FSIP1: variants seen among roughly 807,000 people sequenced by gnomAD.
The protein encoded by FSIP1 is fibrous sheath interacting protein 1.
Under a neutral mutation model 60.9 loss-of-function variants are expected in FSIP1, and 65 were observed. The ratio of observed to expected loss-of-function variants is 1.07; its 90% CI spans 0.87 to 1.31. FSIP1 has a LOEUF of 1.31. FSIP1 is among the 40% of genes most tolerant of loss of function. The probability of loss-of-function intolerance (pLI) is 0.00; values close to 1 mark genes in which losing one functional copy is unlikely to be tolerated. For missense variants in FSIP1, 675 were observed against 665.5 expected (o/e 1.01, Z -0.16); for synonymous variants, 209 against 221.2 (o/e 0.94, Z 0.49).
chr15:39,653,198 A>G (rs1892946725), intron 10 of FSIP1, among the ~76,000 whole-genome samples: 1 of 151,172 alleles, frequency 6.6e-6, no homozygotes, highest in Non-Finnish European at 1.5e-5. Flanking sequence ...AAAAACCCAA[A>G]AACGAAAAAT....
intron 10 of FSIP1, among the ~76,000 whole-genome samples, chr15:39,660,992 A>G (rs949581471): frequency 6.6e-6 from 1 of 152,212 alleles, no homozygotes; most frequent in East Asian, 1.9e-4. Context: ...GAACCCAGGG[A>G]TGGAGGTTTC....
chr15:39,660,477 C>T (rs1048702446), intron 10 of FSIP1, among the ~76,000 whole-genome samples: 3 of 152,178 alleles, frequency 2.0e-5, no homozygotes, highest in Admixed American at 6.5e-5. Flanking sequence ...GTCAATGGAT[C>T]AATTTCTTGA....
intron 6 of FSIP1, among the ~76,000 whole-genome samples, chr15:39,741,062 T>C (rs1896786597): frequency 6.6e-6 from 1 of 152,142 alleles, no homozygotes; most frequent in Admixed American, 6.5e-5. Context: ...AGATACAAAA[T>C]ATAACACTTC....
chr15:39,690,203 C>T (rs1894540652), intron 10 of FSIP1, among the ~76,000 whole-genome samples: 1 of 152,138 alleles, frequency 6.6e-6, no homozygotes. Flanking sequence ...AGCGTACAGC[C>T]AGCCAGGGAA....
intron 11 of FSIP1, among the ~76,000 whole-genome samples, chr15:39,615,067 T>C (rs1172534115): frequency 6.6e-6 from 1 of 152,164 alleles, no homozygotes; most frequent in Non-Finnish European, 1.5e-5. Context: ...AATATCCATA[T>C]GCAGAATAAT....
chr15:39,683,711 T>C (rs1384253426), intron 10 of FSIP1, among the ~76,000 whole-genome samples: 1 of 152,208 alleles, frequency 6.6e-6, no homozygotes, highest in East Asian at 1.9e-4. Context: ...CTAGAACTAA[T>C]AAGTCATTTT....
intron 10 of FSIP1, among the ~76,000 whole-genome samples, chr15:39,636,942 C>A (rs759286985): frequency 1.7e-4 from 26 of 152,204 alleles, no homozygotes; most frequent in Admixed American, 6.5e-4. Flanking sequence ...GCCACCGTTA[C>A]ATGCAGCCAT....
At chr15:39,755,502 T>C (rs1897274607) in intron 5 of FSIP1, among the ~76,000 whole-genome samples, 2 of 152,136 alleles carry the variant, frequency 1.3e-5, no homozygotes, top group South Asian at 4.1e-4. Flanking sequence ...GGAATCACCA[T>C]TTTGGAGAAT....
chr15:39,667,915 C>T (rs947318878), intron 10 of FSIP1, among the ~76,000 whole-genome samples: 1 of 152,164 alleles, frequency 6.6e-6, no homozygotes, highest in African/African-American at 2.4e-5. Context: ...AAAGTTGAGG[C>T]TGGTGGGTGC....
intron 8 of FSIP1, among the ~76,000 whole-genome samples, chr15:39,734,065 C>G (rs1442025201): frequency 6.6e-6 from 1 of 151,974 alleles, no homozygotes; most frequent in Non-Finnish European, 1.5e-5. Context: ...CTACAAGGTA[C>G]CAAGCAGGAA....
chr15:39,632,900 G>A (rs545050563), intron 10 of FSIP1, among the ~76,000 whole-genome samples: 1 of 152,072 alleles, frequency 6.6e-6, no homozygotes, highest in Non-Finnish European at 1.5e-5. Context: ...AGTAGGCAGG[G>A]CAAAAACACA....
chr15:39,745,681 G>C (rs1397117967), intron 5 of FSIP1, among the ~76,000 whole-genome samples: 1 of 152,196 alleles, frequency 6.6e-6, no homozygotes, highest in African/African-American at 2.4e-5. Flanking sequence ...ATATCTTTGA[G>C]ATGGAGAGGA....
intron 10 of FSIP1, among the ~76,000 whole-genome samples, chr15:39,624,253 C>T (rs905061399): frequency 1.3e-5 from 2 of 152,148 alleles, no homozygotes; most frequent in African/African-American, 2.4e-5. Flanking sequence ...CTATGAAGTA[C>T]GTAACCATCA....
intron 10 of FSIP1, among the ~76,000 whole-genome samples, chr15:39,684,243 ATG>A (rs1330596188): frequency 1.3e-5 from 2 of 152,242 alleles, no homozygotes; most frequent in Non-Finnish European, 1.5e-5. Flanking sequence ...GAACAGACAC[ATG>A]TGTGTCTGAA....
chr15:39,738,802 T>C (rs911165040), intron 7 of FSIP1, among the ~76,000 whole-genome samples: 1 of 152,206 alleles, frequency 6.6e-6, no homozygotes, highest in Non-Finnish European at 1.5e-5. Flanking sequence ...GAAGATCATA[T>C]GAATGTGGAG....
At chr15:39,701,143 C>A (rs950648402) in intron 10 of FSIP1, among the ~76,000 whole-genome samples, 1 of 152,088 alleles carries the variant, frequency 6.6e-6, no homozygotes, top group Non-Finnish European at 1.5e-5. Flanking sequence ...CAAAGTGAGA[C>A]CCTGTCTTAA....
At chr15:39,772,691 A>G (rs912157736) in intron 2 of FSIP1, among the ~76,000 whole-genome samples, 3 of 152,010 alleles carry the variant, frequency 2.0e-5, no homozygotes, top group Non-Finnish European at 4.4e-5. Flanking sequence ...CCCGGGTTCA[A>G]GCAATTCTTC....
chr15:39,606,603 A>G (rs547603778), intron 11 of FSIP1, among the ~76,000 whole-genome samples: 16 of 152,214 alleles, frequency 1.1e-4, no homozygotes, highest in African/African-American at 3.6e-4. Context: ...ATAACTCCCT[A>G]TCCCTTCCTC....
chr15:39,753,100 G>A (rs1329110787), intron 5 of FSIP1, among the ~76,000 whole-genome samples: 1 of 152,066 alleles, frequency 6.6e-6, no homozygotes, highest in Non-Finnish European at 1.5e-5. Flanking sequence ...AAATCTTAGT[G>A]ACATGGATGC....
Sources: allele counts gnomAD v4.1 joint callset (sites outside exome capture counted in the v4.1 genomes callset), GRCh38; gene constraint gnomAD v4.1.1; transcripts MANE v1.5; gene names NCBI Gene and HGNC (gene_info 2026-07-23, HGNC 2026-07-21).